Variants in NAV3 observed in about 807,000 individuals in gnomAD.
The protein encoded by NAV3 is pore membrane and/or filament interacting like protein 1.
Under a neutral mutation model 244.7 loss-of-function variants are expected in NAV3, and 87 were observed. The ratio of observed to expected loss-of-function variants is 0.36; its 90% confidence interval spans 0.30 to 0.42. The LOEUF (loss-of-function observed/expected upper bound fraction) is 0.42, where lower values mean the gene tolerates loss of function less well. NAV3 is among the 20% of genes least tolerant of loss of function. NAV3 has a pLI of 1.00. For missense variants in NAV3, 2,663 were observed against 2,893.3 expected (o/e 0.92, Z 1.83); for synonymous variants, 1,126 against 1,042.2 (o/e 1.08, Z -1.55).
At chr12:77,659,994 G>A (rs1356629522) in intron 2 of NAV3, among the ~76,000 whole-genome samples, 3 of 151,640 alleles carry the variant, frequency 2.0e-5, no homozygotes, top group South Asian at 4.2e-4. Flanking sequence ...AGCACTGGGA[G>A]ATATACCTAA....
chr12:77,604,725 G>C (rs140112531), intron 2 of NAV3, among the ~76,000 whole-genome samples: 37 of 152,098 alleles, frequency 2.4e-4, no homozygotes, highest in Non-Finnish European at 4.7e-4. Context: ...ATAATGCTCA[G>C]TTCATTTCTG....
At chr12:78,129,769 G>A (rs954009073) in intron 18 of NAV3, among the ~76,000 whole-genome samples, 1 of 152,006 alleles carries the variant, frequency 6.6e-6, no homozygotes, top group African/African-American at 2.4e-5. Context: ...AGCCAGAGAC[G>A]ATCATTCCTT....
rs300450 is a variant in NAV3, at chr12:78,211,655, A to G, written c.*1138A>G. 147,484 of 152,628 alleles carry G rather than the reference A, an allele frequency of 0.97. 71,319 individuals carry two copies. Among genetic ancestry groups the G allele is most frequent in the East Asian group, 1 (5,147 of 5,148 alleles). 9.5% of individuals were successfully genotyped at this position (152,628 alleles called of 1,614,324 possible). ...TAAGTGAAAGAGTTTCAGAAGGCAG[A>G]AGATTTTGAATTATTATCCAGCAGG... is the stretch of plus-strand genomic sequence containing the variant. On this transcript the variant is annotated 3_prime_UTR_variant, in exon 40 of 40. Transcript: ENST00000397909.
intron 1 of NAV3, among the ~76,000 whole-genome samples, chr12:77,874,685 TG>T (rs1370376509): frequency 7.2e-5 from 11 of 152,104 alleles, no homozygotes; most frequent in African/African-American, 2.7e-4. Flanking sequence ...CAGCTCAGAA[TG>T]GGTTTATATA....
Position 78,212,023 on chromosome 12 carries a change from G to T in NAV3, c.*1506G>T, listed in dbSNP as rs1960920749. The T allele has an allele frequency of 1.3e-5, 2 of 152,590 alleles. No individual in the cohort carries two copies. The highest frequency in any genetic ancestry group is 4.1e-4 in the South Asian group (2 of 4,830). 9.5% of individuals were successfully genotyped at this position (152,590 alleles called of 1,614,324 possible). ...TTCCTGTACATTGCAAACAAATACAGAATGCAAACCCTCAAAGCTGTATTA... is the reference window on the plus strand; with the variant it reads ...TTCCTGTACATTGCAAACAAATACATAATGCAAACCCTCAAAGCTGTATTA... On this transcript the variant is annotated 3_prime_UTR_variant, in exon 40 of 40. Coordinates refer to ENST00000397909, the MANE Select transcript of NAV3 (RefSeq NM_001024383.2).
intron 9 of NAV3, among the ~76,000 whole-genome samples, chr12:78,049,004 G>A (rs1384976748): frequency 6.6e-6 from 1 of 152,192 alleles, no homozygotes; most frequent in African/African-American, 2.4e-5. Flanking sequence ...TTCCCAGCGG[G>A]TTTGTTTACA....
At chr12:78,088,566 T>A (rs376571306) in intron 12 of NAV3, among the ~76,000 whole-genome samples, 1 of 152,174 alleles carries the variant, frequency 6.6e-6, no homozygotes, top group South Asian at 2.1e-4. Flanking sequence ...AATAAAAAAA[T>A]CTTCATTCTA....
chr12:77,749,261 A>G (rs575627522), intron 2 of NAV3, among the ~76,000 whole-genome samples: 4 of 152,362 alleles, frequency 2.6e-5, no homozygotes, highest in East Asian at 3.9e-4. Flanking sequence ...AAATATCATT[A>G]TATATGGAAG....
intron 2 of NAV3, among the ~76,000 whole-genome samples, chr12:77,758,617 C>T (rs1312724571): frequency 6.6e-6 from 1 of 152,086 alleles, no homozygotes; most frequent in African/African-American, 2.4e-5. Flanking sequence ...CTAGAAATTG[C>T]TGATAATACA....
chr12:77,671,678 C>T (rs1048764082), intron 2 of NAV3, among the ~76,000 whole-genome samples: 4 of 151,940 alleles, frequency 2.6e-5, no homozygotes, highest in East Asian at 1.9e-4. Context: ...ACACCCTATT[C>T]GACAAATGAT....
intron 12 of NAV3, among the ~76,000 whole-genome samples, chr12:78,059,838 T>G (rs1884068207): frequency 6.6e-6 from 1 of 152,184 alleles, no homozygotes; most frequent in South Asian, 2.1e-4. Context: ...ATATAAAGAT[T>G]AAAATATATT....
At chr12:77,928,376 A>G (rs2137275123) in intron 1 of NAV3, among the ~76,000 whole-genome samples, 1 of 152,310 alleles carries the variant, frequency 6.6e-6, no homozygotes, top group African/African-American at 2.4e-5. Flanking sequence ...TGATCTGGAC[A>G]CGAACTAGGT....
intron 9 of NAV3, among the ~76,000 whole-genome samples, chr12:78,032,859 C>T (rs1879230069): frequency 6.6e-6 from 1 of 152,170 alleles, no homozygotes; most frequent in Non-Finnish European, 1.5e-5. Context: ...ATTTTCATCC[C>T]ACTGGTACTC....
At chr12:77,867,787 T>C (rs1880309523) in intron 1 of NAV3, among the ~76,000 whole-genome samples, 1 of 152,148 alleles carries the variant, frequency 6.6e-6, no homozygotes, top group African/African-American at 2.4e-5. Context: ...ATTACTTTCA[T>C]TGTGTTAGAG....
At chr12:77,827,313 C>A (rs1429135505), upstream of NAV3, among the ~76,000 whole-genome samples, 1 of 147,560 alleles carries the variant, frequency 6.8e-6, no homozygotes, top group Non-Finnish European at 1.5e-5. Context: ...ACTATCAAAT[C>A]ATATTTTTCC....
chr12:77,904,298 G>GGAAT (rs1885689301), intron 1 of NAV3, among the ~76,000 whole-genome samples: 1 of 152,112 alleles, frequency 6.6e-6, no homozygotes, highest in Admixed American at 6.5e-5. Context: ...TATACACCAT[G>GGAAT]GAATACTATG....
At chr12:78,127,460 T>C (rs1371548561) in intron 17 of NAV3, among the ~76,000 whole-genome samples, 1 of 152,118 alleles carries the variant, frequency 6.6e-6, no homozygotes, top group Admixed American at 6.6e-5. Context: ...GAAGAAATAA[T>C]ACTAAACAAA....
chr12:78,119,782 C>G lies in NAV3; in HGVS notation c.3586C>G (p.Gln1196Glu). ...SGRSSPVTVN[Q>E]TDKEKEKVAV... Reference sequence around the variant, plus strand: ...GCGCTCGAGTCCTGTCACCGTCAACCAAACAGACAAGGAAAAGGAAAAAGT... The same window carrying G: ...GCGCTCGAGTCCTGTCACCGTCAACGAAACAGACAAGGAAAAGGAAAAAGT... The change falls in exon 15 of 40, where the codon CAA (glutamine) becomes GAA (glutamate). Residue 1196 changes from glutamine (Q) to glutamate (E), a missense_variant. Around this residue, in one of 6 missense-constraint regions of NAV3, gnomAD observed 1,521 missense variants for 1,497.0 expected, o/e 1.02. Transcript: ENST00000397909. The G allele has an allele frequency of 6.2e-7, 1 of 1,614,040 alleles. No individual in the cohort carries two copies. The highest frequency in any genetic ancestry group is 8.5e-7 in the Non-Finnish European group (1 of 1,180,016).
chr12:77,907,689 A>G (rs1886135220), intron 1 of NAV3, among the ~76,000 whole-genome samples: 2 of 152,146 alleles, frequency 1.3e-5, no homozygotes, highest in Admixed American at 1.3e-4. Context: ...AGGAGTCCTC[A>G]TAACAACCCT....
Sources: gnomAD v4.1 joint callset for allele counts (sites outside exome capture counted in the v4.1 genomes callset) on GRCh38, gnomAD v4.1.1 for gene constraint, gnomAD v4.1.1 regional missense constraint, MANE v1.5 for transcripts, NCBI Gene and HGNC (gene_info 2026-07-23, HGNC 2026-07-21) for gene names.